RARB: variants seen among roughly 807,000 people sequenced by gnomAD.
RARB encodes retinoic acid receptor beta.
RARB carries 17 observed loss-of-function variants against 51.9 expected under a neutral mutation model. That is an observed-to-expected ratio of 0.33 (90% CI 0.22 to 0.49). The LOEUF (loss-of-function observed/expected upper bound fraction) is 0.49, where lower values mean the gene tolerates loss of function less well. Among genes scored for constraint, RARB ranks in the 20% least tolerant of loss-of-function variants. The pLI is 0.99. For synonymous variants in RARB, 215 were observed against 195.4 expected, an observed-to-expected ratio of 1.10 and a Z score of -0.84; for missense variants, 369 against 550.8, an observed-to-expected ratio of 0.67 and a Z score of 3.30.
intron 2 of RARB, among the ~76,000 whole-genome samples, chr3:25,022,409 T>C (rs1191338022): frequency 1.3e-5 from 2 of 152,226 alleles, no homozygotes; most frequent in Non-Finnish European, 2.9e-5. Context: ...TGTGTATAAG[T>C]TGTATAGGAT....
chr3:25,199,236 C>T (rs1292149339), intron 5 of RARB, among the ~76,000 whole-genome samples: 5 of 151,236 alleles, frequency 3.3e-5, no homozygotes, highest in African/African-American at 9.7e-5. Flanking sequence ...TTTGAGGGAG[C>T]TAAAAATTAA....
At chr3:25,157,854 T>C (rs963030994) in intron 4 of RARB, among the ~76,000 whole-genome samples, 2 of 152,246 alleles carry the variant, frequency 1.3e-5, no homozygotes. Context: ...TGAATAAGAC[T>C]CACCTCTTTA....
intron 3 of RARB, among the ~76,000 whole-genome samples, chr3:25,530,652 C>G (rs955508169): frequency 1.3e-5 from 2 of 152,184 alleles, no homozygotes; most frequent in Non-Finnish European, 2.9e-5. Context: ...TTAAAGGAGT[C>G]TTGTAATTAC....
At chr3:25,285,848 G>T (rs1358275146) in intron 5 of RARB, among the ~76,000 whole-genome samples, 1 of 152,110 alleles carries the variant, frequency 6.6e-6, no homozygotes, top group Non-Finnish European at 1.5e-5. Context: ...ATGCTACTTG[G>T]CTTTCTCTTT....
In RARB at chr3:25,091,597, T is replaced by C. The variant is rs186838500; in HGVS notation, c.-328+31421T>C. On this transcript the variant is annotated intron_variant, in intron 3 of 11. Transcript: ENST00000383772. The stretch of plus-strand genomic sequence containing the variant: ...TTTGTTTAGGGTATTTTTCCCCACT[T>C]ACTCTCCAAGTGCTCATATACATAA... Among the ~76,000 whole-genome samples, 404 of 152,286 alleles carry C rather than the reference T, an allele frequency of 2.7e-3. 5 individuals carry two copies. The highest frequency in any genetic ancestry group is 2.6e-3 in the Non-Finnish European group (175 of 68,012).
intron 2 of RARB, among the ~76,000 whole-genome samples, chr3:24,899,091 C>G (rs116174883): frequency 6.6e-6 from 1 of 152,250 alleles, no homozygotes; most frequent in African/African-American, 2.4e-5. Flanking sequence ...AGGCCCTGCC[C>G]CTGACCTTCC....
At chr3:24,842,632 A>T (rs1357962755) in intron 1 of RARB, among the ~76,000 whole-genome samples, 1 of 152,186 alleles carries the variant, frequency 6.6e-6, no homozygotes, top group African/African-American at 2.4e-5. Context: ...TCGAGGTCAC[A>T]ATTTCCTATG....
In RARB at chr3:25,538,558, C is replaced by T. The variant is rs533701176; in HGVS notation, c.449-31200C>T. Among the ~76,000 whole-genome samples, 3 of 152,308 alleles carry T rather than the reference C, an allele frequency of 2.0e-5. No individual in the cohort carries two copies. In the South Asian group the frequency reaches 6.2e-4, roughly 32 times the overall value. On this transcript the variant is annotated intron_variant, in intron 3 of 7. Transcript: ENST00000330688. ...GTGTGCTATTTGTTACTAGGCCCCA[C>T]AAGTTAGGGCCTGACGTGGAGAGTA... is the stretch of plus-strand genomic sequence containing the variant.
At chr3:25,446,802 C>CAAAA (rs5847356) in intron 1 of RARB, among the ~76,000 whole-genome samples, 1,072 of 69,092 alleles carry the variant, frequency 0.016, 71 homozygotes, top group African/African-American at 0.062. Context: ...GACTCCGTCT[C>CAAAA]AAAAAAAAAA....
In RARB at chr3:25,383,495, A is replaced by G. The variant is rs1575359527; in HGVS notation, c.179-77698A>G. Among the ~76,000 whole-genome samples, 3 of 152,374 alleles carry G rather than the reference A, an allele frequency of 2.0e-5. No homozygotes were observed. In the South Asian group the frequency reaches 6.2e-4, roughly 32 times the overall value. On this transcript the variant is annotated intron_variant, in intron 5 of 11. Coordinates refer to the RARB transcript ENST00000383772. ...GTTGGTAGAACTAGGAGGCTGAGCA[A>G]TGTTAGAGAATGGTCACCATCAGCA...
chr3:25,246,827 C>A (rs1030952478), intron 5 of RARB, among the ~76,000 whole-genome samples: 2 of 152,198 alleles, frequency 1.3e-5, no homozygotes, highest in African/African-American at 4.8e-5. Flanking sequence ...CGCAGTCTGT[C>A]CCTTAGCAGA....
intron 5 of RARB, among the ~76,000 whole-genome samples, chr3:25,378,288 G>A (rs969897362): frequency 5.9e-5 from 9 of 152,270 alleles, no homozygotes; most frequent in African/African-American, 1.9e-4. Flanking sequence ...GGTAAATGAG[G>A]ATTTATGGCT....
intron 5 of RARB, among the ~76,000 whole-genome samples, chr3:25,587,098 A>T (rs1461857829): frequency 1.3e-5 from 2 of 152,256 alleles, no homozygotes; most frequent in African/African-American, 4.8e-5. Context: ...TCTAAGCCTC[A>T]GTTTCCTCAC....
At chr3:24,932,702 CAG>C (rs1695466613) in intron 2 of RARB, among the ~76,000 whole-genome samples, 1 of 152,016 alleles carries the variant, frequency 6.6e-6, no homozygotes, top group Admixed American at 6.6e-5. Flanking sequence ...ACAAGTTATT[CAG>C]AGAGGACTGT....
At chr3:25,505,262 C>A (rs1180186934) in intron 3 of RARB, among the ~76,000 whole-genome samples, 1 of 152,108 alleles carries the variant, frequency 6.6e-6, no homozygotes, top group African/African-American at 2.4e-5. Context: ...GATTTGGAAC[C>A]AGGCAGTTTG....
At chr3:25,317,596 A>C (rs369318332) in intron 5 of RARB, among the ~76,000 whole-genome samples, 93 of 152,304 alleles carry the variant, frequency 6.1e-4, no homozygotes, top group Middle Eastern at 3.4e-3. Context: ...GAGACCTCAC[A>C]ATCCATGACT....
At chr3:25,381,510 A>G (rs529318264) in intron 5 of RARB, among the ~76,000 whole-genome samples, 1 of 152,366 alleles carries the variant, frequency 6.6e-6, no homozygotes, top group South Asian at 2.1e-4. Flanking sequence ...CTGTTAGTAT[A>G]TTTAAGCACT....
At chr3:24,852,891 A>G (rs577596967) in intron 1 of RARB, among the ~76,000 whole-genome samples, 2 of 152,298 alleles carry the variant, frequency 1.3e-5, no homozygotes, top group Admixed American at 1.3e-4. Flanking sequence ...GGTTGTGGTG[A>G]TGATGGAAAT....
chr3:24,900,296 T>A (rs534257741), intron 2 of RARB, among the ~76,000 whole-genome samples: 5 of 150,674 alleles, frequency 3.3e-5, no homozygotes, highest in Non-Finnish European at 7.4e-5. Flanking sequence ...TAAAAAAAAA[T>A]TAGGATAAAC....
Sources: allele counts gnomAD v4.1 joint callset (sites outside exome capture counted in the v4.1 genomes callset), GRCh38; gene constraint gnomAD v4.1.1; transcripts MANE v1.5; gene names NCBI Gene and HGNC (gene_info 2026-07-23, HGNC 2026-07-21).